Variants in NME7 observed in about 807,000 individuals in gnomAD.
The protein encoded by NME7 is NME/NM23 family member 7.
Under a neutral mutation model 49.1 loss-of-function variants are expected in NME7, and 41 were observed. The ratio of observed to expected loss-of-function variants is 0.83; its 90% CI spans 0.65 to 1.08. The LOEUF is 1.08. Among genes scored for constraint, NME7 ranks in the 50% least tolerant of loss-of-function variants. NME7 has a pLI of 0.00. For missense variants in NME7, 423 were observed against 463.4 expected, an observed-to-expected ratio of 0.91 and a Z score of 0.80; for synonymous variants, 139 against 150.6, an observed-to-expected ratio of 0.92 and a Z score of 0.56.
intron 10 of NME7, among the ~76,000 whole-genome samples, chr1:169,172,684 T>C (rs1659641376): frequency 6.6e-6 from 1 of 152,208 alleles, no homozygotes; most frequent in Admixed American, 6.5e-5. Flanking sequence ...CTCCCCAGTG[T>C]GGCATTCAAG....
chr1:169,157,449 CA>C (rs2101829766), intron 11 of NME7, among the ~76,000 whole-genome samples: 1 of 152,290 alleles, frequency 6.6e-6, no homozygotes, highest in South Asian at 2.1e-4. Flanking sequence ...TTTTAAGCTG[CA>C]AGAAACCCAG....
chr1:169,363,313 C>G (rs1653727053), intron 1 of NME7, among the ~76,000 whole-genome samples: 1 of 152,096 alleles, frequency 6.6e-6, no homozygotes, highest in African/African-American at 2.4e-5. Context: ...TACCCTGTGT[C>G]TTGAACTTTG....
intron 10 of NME7, among the ~76,000 whole-genome samples, chr1:169,203,292 T>C (rs781400792): frequency 1.1e-4 from 16 of 152,202 alleles, no homozygotes; most frequent in Admixed American, 4.6e-4. Context: ...CTTATAAAAG[T>C]CTTTGTATTC....
intron 7 of NME7, among the ~76,000 whole-genome samples, chr1:169,276,593 T>C (rs1649739885): frequency 7.5e-6 from 1 of 132,546 alleles, no homozygotes; most frequent in Admixed American, 7.5e-5. Context: ...TCTTTATTAG[T>C]CTTGCTAGCG....
intron 10 of NME7, among the ~76,000 whole-genome samples, chr1:169,223,965 C>G (rs1006166759): frequency 7.2e-5 from 11 of 152,144 alleles, no homozygotes; most frequent in Non-Finnish European, 1.5e-4. Context: ...TTGTATATCT[C>G]TCCTCTGAGA....
intron 7 of NME7, among the ~76,000 whole-genome samples, chr1:169,245,190 T>C (rs1648259168): frequency 6.7e-6 from 1 of 150,286 alleles, no homozygotes. Context: ...TCATCTATAA[T>C]ATACCTCACA....
In NME7 at chr1:169,190,734, G is replaced by A. The variant is rs1353477315; in HGVS notation, c.991-21180C>T. ...GGGAGAGAGGCAATATAAAAAAAGT[G>A]TAGGTTGACTCATACTAAAATAAAT... On this transcript the variant is annotated intron_variant, in intron 10 of 11. Coordinates refer to ENST00000367811, the MANE Select transcript of NME7 (RefSeq NM_013330.5). 7.4e-6 allele frequency: 3 copies of A among 406,620 alleles called. 1 individual carries two copies. The highest frequency in any genetic ancestry group is 3.6e-5 in the South Asian group (2 of 56,230). 25.2% of individuals were successfully genotyped at this position (406,620 alleles called of 1,614,324 possible).
chr1:169,289,688 T>A (rs1650418448), intron 6 of NME7, among the ~76,000 whole-genome samples: 1 of 152,168 alleles, frequency 6.6e-6, no homozygotes, highest in East Asian at 1.9e-4. Flanking sequence ...TCTCGCTCAA[T>A]TTTTAAAAAT....
chr1:169,326,346 A>C (rs1466544087), intron 1 of NME7, among the ~76,000 whole-genome samples: 1 of 152,210 alleles, frequency 6.6e-6, no homozygotes, highest in African/African-American at 2.4e-5. Context: ...AAGAACAACT[A>C]GAAAAGTAGG....
At chr1:169,281,377 A>G (rs1650006118) in intron 7 of NME7, among the ~76,000 whole-genome samples, 1 of 152,342 alleles carries the variant, frequency 6.6e-6, no homozygotes, top group African/African-American at 2.4e-5. Flanking sequence ...TTTTCTAAAT[A>G]TACAATAATG....
At chr1:169,254,035 G>C (rs1297865296) in intron 7 of NME7, among the ~76,000 whole-genome samples, 4 of 151,232 alleles carry the variant, frequency 2.6e-5, no homozygotes, top group African/African-American at 9.7e-5. Context: ...TTTTTTGGTT[G>C]TGTCTCTGCC....
At chr1:169,296,133 GAAAACTCCTCAAA>G (rs988790791) in intron 6 of NME7, among the ~76,000 whole-genome samples, 4 of 151,686 alleles carry the variant, frequency 2.6e-5, no homozygotes, top group African/African-American at 7.3e-5. Flanking sequence ...CTCTTTGCAG[GAAAACTCCTCAAA>G]AAAACTCCTC....
chr1:169,278,762 G>C (rs1023285153), intron 7 of NME7, among the ~76,000 whole-genome samples: 1 of 152,154 alleles, frequency 6.6e-6, no homozygotes, highest in African/African-American at 2.4e-5. Flanking sequence ...GAGGCACTCT[G>C]CTTTTTAGAG....
chr1:169,183,092 A>T (rs1339002772), intron 10 of NME7, among the ~76,000 whole-genome samples: 1 of 152,206 alleles, frequency 6.6e-6, no homozygotes, highest in Non-Finnish European at 1.5e-5. Flanking sequence ...TGTGACTTTG[A>T]TTGAGGATAA....
chr1:169,217,775 G>C (rs965556360), intron 10 of NME7, among the ~76,000 whole-genome samples: 1 of 152,162 alleles, frequency 6.6e-6, no homozygotes, highest in Admixed American at 6.5e-5. Flanking sequence ...ACGTACATTT[G>C]AATCAATTGC....
chr1:169,226,526 T>C (rs982854409), intron 10 of NME7, among the ~76,000 whole-genome samples: 1 of 152,008 alleles, frequency 6.6e-6, no homozygotes, highest in African/African-American at 2.4e-5. Flanking sequence ...ACTACTATAG[T>C]ATTTCTTCTG....
intron 11 of NME7, among the ~76,000 whole-genome samples, chr1:169,159,592 T>C (rs1040570902): frequency 6.6e-6 from 1 of 152,214 alleles, no homozygotes; most frequent in African/African-American, 2.4e-5. Context: ...TATTGCTTTC[T>C]GCAGAACTTC....
intron 10 of NME7, among the ~76,000 whole-genome samples, chr1:169,219,817 G>C (rs1211867744): frequency 1.3e-5 from 2 of 152,156 alleles, no homozygotes; most frequent in Non-Finnish European, 2.9e-5. Context: ...TTCATAGCAA[G>C]TGTTTAATAA....
At chr1:169,312,290 G>T (rs949820566) in intron 3 of NME7, among the ~76,000 whole-genome samples, 1 of 152,138 alleles carries the variant, frequency 6.6e-6, no homozygotes, top group African/African-American at 2.4e-5. Flanking sequence ...CCAATGTACA[G>T]GCAATTATCA....
Sources: allele counts gnomAD v4.1 joint callset (sites outside exome capture counted in the v4.1 genomes callset), GRCh38; gene constraint gnomAD v4.1.1; transcripts MANE v1.5; gene names NCBI Gene and HGNC (gene_info 2026-07-23, HGNC 2026-07-21).